The following TTLL5 variants were observed in gnomAD, a reference collection of about 807,000 sequenced individuals.
The protein encoded by TTLL5 is tubulin polyglutamylase TTLL5.
In TTLL5, 132 loss-of-function variants were observed where a neutral mutation model predicts 168.4. The observed-to-expected ratio is 0.78, with a 90% CI of 0.68 to 0.91. The LOEUF (loss-of-function observed/expected upper bound fraction) is 0.91, where lower values mean the gene tolerates loss of function less well. Ranked by LOEUF, TTLL5 falls within the 40% of genes least tolerant of loss-of-function variation. The probability of loss-of-function intolerance (pLI) is 0.00; values close to 1 mark genes in which losing one functional copy is unlikely to be tolerated. For synonymous variants in TTLL5, 546 were observed against 558.6 expected (o/e 0.98, Z 0.32); for missense variants, 1,545 against 1,581.5 (o/e 0.98, Z 0.39).
At chr14:75,827,060 C>T (rs1895205429) in intron 28 of TTLL5, among the ~76,000 whole-genome samples, 1 of 152,154 alleles carries the variant, frequency 6.6e-6, no homozygotes, top group African/African-American at 2.4e-5. Context: ...TTTATGCTTT[C>T]ATAAAATAAA....
intron 9 of TTLL5, chr14:75,709,396 G>A (rs1252833404): frequency 3.7e-6 from 2 of 543,214 alleles, no homozygotes; most frequent in Non-Finnish European, 6.6e-6. Context: ...TGTTCCGTTC[G>A]CCTCTAGGTG....
chr14:75,918,306 T>C (rs2033691581), intron 31 of TTLL5, among the ~76,000 whole-genome samples: 2 of 152,162 alleles, frequency 1.3e-5, no homozygotes. Context: ...TGGGCTCTTT[T>C]ATTGAGGAAG....
chr14:75,712,906 A>AT (rs1887188188), intron 9 of TTLL5, among the ~76,000 whole-genome samples: 1 of 152,112 alleles, frequency 6.6e-6, no homozygotes, highest in African/African-American at 2.4e-5. Context: ...GTGGTTAAAA[A>AT]GGGGGGAGGG....
intron 31 of TTLL5, 48 bp from the exon 32 acceptor site, chr14:75,954,376 C>G: frequency 6.2e-7 from 1 of 1,606,442 alleles, no homozygotes; most frequent in Non-Finnish European, 8.5e-7. Flanking sequence ...TAAGTAAAAC[C>G]CCATGCTGTC....
At chr14:75,717,821 A>T (rs1887573450) in intron 9 of TTLL5, 40 bp from the exon 10 acceptor site, 1 of 1,588,794 alleles carries the variant, frequency 6.3e-7, no homozygotes, top group Non-Finnish European at 8.6e-7. Context: ...ATTTCCTTGA[A>T]ACTCTGTTCC....
chr14:75,852,970 T>A (rs1328955417), intron 28 of TTLL5, among the ~76,000 whole-genome samples: 4 of 152,256 alleles, frequency 2.6e-5, no homozygotes, highest in Admixed American at 2.6e-4. Flanking sequence ...TCAGCTTTTC[T>A]TTTTTACTAA....
chr14:75,783,192 A>G lies in TTLL5; in HGVS notation c.2648A>G (p.Asn883Ser), dbSNP rs752768188. Reference sequence around the variant, plus strand: ...AAAGAGGCAAAATTAGTTTATAGCAATTCCTCCTCTGGTCCTACTGCTACT... The same window carrying G: ...AAAGAGGCAAAATTAGTTTATAGCAGTTCCTCCTCTGGTCCTACTGCTACT... The part of the protein sequence containing the change: ...AEKEAKLVYS[N>S]SSSGPTATLQ... Residue 883 changes from asparagine to serine, a missense_variant, in exon 26 of 32, where the codon AAT (asparagine) becomes AGT (serine). Transcript: ENST00000298832. 22 of 1,613,544 alleles carry G rather than the reference A, an allele frequency of 1.4e-5. No homozygotes were observed. Among genetic ancestry groups the G allele is most frequent in the Admixed American group, 8.3e-5 (5 of 59,992 alleles).
At chr14:75,671,391 T>C (rs1883738236) in intron 3 of TTLL5, among the ~76,000 whole-genome samples, 1 of 152,206 alleles carries the variant, frequency 6.6e-6, no homozygotes, top group Non-Finnish European at 1.5e-5. Flanking sequence ...CCCTTGCAAT[T>C]CCATATGAAT....
Position 75,764,650 on chromosome 14 carries a change from A to G in TTLL5, c.1586A>G (p.Glu529Gly). ...TADGAPELKIESLNSKAKLHA... is the reference protein window; with the variant it reads ...TADGAPELKIGSLNSKAKLHA... ...GATGGAGCGCCAGAATTGAAGATAG[A>G]GAGTCTGAATTCAAAGGCCAAGCTG... Residue 529 changes from glutamate to glycine, a missense_variant, in exon 19 of 32, where the codon GAG (glutamate) becomes GGG (glycine). Glu to Gly is a moderately conservative substitution (Grantham distance 98). Coordinates refer to ENST00000298832, the MANE Select transcript of TTLL5 (RefSeq NM_015072.5). 6.2e-7 allele frequency: 1 copy of G among 1,614,150 alleles called. No homozygotes were observed. Among genetic ancestry groups the G allele is most frequent in the Non-Finnish European group, 8.5e-7 (1 of 1,179,988 alleles).
intron 20 of TTLL5, 102 bp from the exon 21 acceptor site, chr14:75,771,632 A>G (rs1036483414): frequency 4.0e-6 from 6 of 1,517,700 alleles, no homozygotes; most frequent in African/African-American, 1.4e-5. Context: ...CTTAGCCATC[A>G]TAATAGAAGC....
At chr14:75,807,752 A>G (rs1277661093) in intron 27 of TTLL5, among the ~76,000 whole-genome samples, 1 of 152,056 alleles carries the variant, frequency 6.6e-6, no homozygotes, top group African/African-American at 2.4e-5. Flanking sequence ...AAGGACTCAA[A>G]CCTCTCATTA....
Position 75,707,780 on chromosome 14 carries a change from A to G in TTLL5, c.740+73A>G, listed in dbSNP as rs1886766224. 3 of 1,240,640 alleles carry G rather than the reference A, an allele frequency of 2.4e-6. No homozygotes were observed. The East Asian group carries it at 7.0e-5, about 29-fold the overall frequency. The allele number at this position is 1,240,640 out of a possible 1,614,324, so 76.9% of individuals were successfully genotyped here. A position where few individuals can be genotyped will look rare whatever the true frequency, so the allele number is the denominator to read the frequency against. Reference sequence around the variant, plus strand: ...TGGGTATATTAAGAGTGGATCCATTAACAAGTTTATTAAATCAGATCATGC... The same window carrying G: ...TGGGTATATTAAGAGTGGATCCATTGACAAGTTTATTAAATCAGATCATGC... On this transcript the variant is annotated intron_variant, in intron 9 of 31. Coordinates refer to ENST00000298832, the MANE Select transcript of TTLL5 (RefSeq NM_015072.5).
At chr14:75,743,432 G>A (rs1051349910) in intron 15 of TTLL5, among the ~76,000 whole-genome samples, 6 of 151,850 alleles carry the variant, frequency 4.0e-5, no homozygotes, top group African/African-American at 9.7e-5. Context: ...CCGAGGTGCC[G>A]GCAAGATAGG....
At chr14:75,902,424 A>G (rs1211881801) in intron 31 of TTLL5, 200 bp downstream of exon 31, 1 of 679,720 alleles carries the variant, frequency 1.5e-6, no homozygotes, top group African/African-American at 1.8e-5. Context: ...ATTTTCTGGA[A>G]CTAGCTTGGG....
At chr14:75,867,985 G>A (rs2030673917) in intron 29 of TTLL5, among the ~76,000 whole-genome samples, 1 of 152,146 alleles carries the variant, frequency 6.6e-6, no homozygotes, top group South Asian at 2.1e-4. Flanking sequence ...AGTGACTACT[G>A]GTGACATCAG....
intron 23 of TTLL5, 86 bp from the exon 24 acceptor site, chr14:75,779,489 G>T: frequency 6.4e-7 from 1 of 1,560,630 alleles, no homozygotes; most frequent in South Asian, 1.2e-5. Flanking sequence ...CCCTTTTCCA[G>T]CTTGCTCTGT....
chr14:75,899,821 A>G (rs1464615656), intron 30 of TTLL5, among the ~76,000 whole-genome samples: 1 of 152,168 alleles, frequency 6.6e-6, no homozygotes, highest in Non-Finnish European at 1.5e-5. Flanking sequence ...CAAGAGTTTT[A>G]AAGACCCAGA....
intron 31 of TTLL5, among the ~76,000 whole-genome samples, chr14:75,936,188 A>G (rs2034428779): frequency 6.6e-6 from 1 of 152,018 alleles, no homozygotes; most frequent in South Asian, 2.1e-4. Context: ...TATGAGAAAT[A>G]CTTCTTAAAC....
At chr14:75,852,805 G>A (rs745602901) in intron 28 of TTLL5, among the ~76,000 whole-genome samples, 2 of 152,190 alleles carry the variant, frequency 1.3e-5, no homozygotes, top group Non-Finnish European at 2.9e-5. Context: ...CTTAAATAAT[G>A]TTAAGCACAG....
Sources: gnomAD v4.1 joint callset for allele counts (sites outside exome capture counted in the v4.1 genomes callset) on GRCh38, gnomAD v4.1.1 for gene constraint, MANE v1.5 for transcripts, NCBI Gene and HGNC (gene_info 2026-07-23, HGNC 2026-07-21) for gene names.